MTPN: variants seen among roughly 807,000 people sequenced by gnomAD.
MTPN encodes the protein granule cell differentiation protein.
MTPN carries 2 observed loss-of-function variants against 13.5 expected under a neutral mutation model. That is an observed-to-expected ratio of 0.15 (90% CI 0.06 to 0.47). The LOEUF is 0.47. Ranked by LOEUF, MTPN falls within the 20% of genes least tolerant of loss-of-function variation. The pLI, the probability that MTPN is intolerant of heterozygous loss-of-function variation, is 0.97. For synonymous variants in MTPN, 46 were observed against 51.7 expected (o/e 0.89, Z 0.48); for missense variants, 79 against 137.9 (o/e 0.57, Z 2.14).
chr7:135,949,458 T>A (rs1445256397), intron 3 of MTPN, among the ~76,000 whole-genome samples: 1 of 151,814 alleles, frequency 6.6e-6, no homozygotes, highest in East Asian at 1.9e-4. Flanking sequence ...TTTGGACAAA[T>A]GCATCATTCT....
intron 1 of MTPN, among the ~76,000 whole-genome samples, chr7:135,957,714 G>A (rs979231994): frequency 6.6e-6 from 1 of 152,098 alleles, no homozygotes; most frequent in Non-Finnish European, 1.5e-5. Context: ...TCATGGGAGC[G>A]GGATCTCTGA....
chr7:135,964,188 CTT>C (rs1799571232), intron 1 of MTPN, among the ~76,000 whole-genome samples: 1 of 151,954 alleles, frequency 6.6e-6, no homozygotes, highest in Non-Finnish European at 1.5e-5. Context: ...CCAAATATAA[CTT>C]TATCTTAACA....
At chr7:135,965,505 C>T (rs962891405) in intron 1 of MTPN, among the ~76,000 whole-genome samples, 2 of 152,054 alleles carry the variant, frequency 1.3e-5, no homozygotes, top group African/African-American at 4.8e-5. Flanking sequence ...AGTAATGTGG[C>T]ATTAAGTATA....
intron 3 of MTPN, among the ~76,000 whole-genome samples, chr7:135,934,835 TCCTTTA>T: frequency 6.6e-6 from 1 of 152,138 alleles, no homozygotes; most frequent in East Asian, 1.9e-4. Flanking sequence ...TCCCCTGCCT[TCCTTTA>T]CTTTCTCTGG....
At chr7:135,954,630 T>TTC (rs1025048474) in intron 1 of MTPN, among the ~76,000 whole-genome samples, 1 of 152,204 alleles carries the variant, frequency 6.6e-6, no homozygotes, top group African/African-American at 2.4e-5. Context: ...TCAAAGATAC[T>TTC]TCTGTGAACC....
chr7:135,957,000 G>T (rs1057209670), intron 1 of MTPN, among the ~76,000 whole-genome samples: 20 of 152,070 alleles, frequency 1.3e-4, no homozygotes, highest in African/African-American at 4.8e-4. Flanking sequence ...GAGGTCAAGG[G>T]TCTCCATGTT....
chr7:135,944,428 C>A (rs1799258620), intron 3 of MTPN, among the ~76,000 whole-genome samples: 3 of 152,076 alleles, frequency 2.0e-5, no homozygotes, highest in Non-Finnish European at 4.4e-5. Context: ...GTAATCCCAG[C>A]ACTTTGGGAG....
At chr7:135,969,238 T>TAAAAAAAAAAAAAAA (rs57871609) in intron 1 of MTPN, among the ~76,000 whole-genome samples, 5 of 109,096 alleles carry the variant, frequency 4.6e-5, no homozygotes, top group African/African-American at 6.8e-5. Flanking sequence ...TAAAGTATAA[T>TAAAAAAAAAAAAAAA]AAAAAAAAAA....
Position 135,977,326 on chromosome 7 carries a change from G to T in MTPN, c.-226C>A. ...CCACCGGGCCCAGCAGAGAGGTTCC[G>T]CCTGGCCGAGGAGAGGCAGGAACCT... On this transcript the variant is annotated 5_prime_UTR_variant, in exon 1 of 4. Transcript: ENST00000393085. 2 of 578,088 alleles carry T rather than the reference G, an allele frequency of 3.5e-6. No homozygotes were observed. The highest frequency in any genetic ancestry group is 3.9e-5 in the South Asian group (2 of 50,778). The allele number at this position is 578,088 out of a possible 1,614,324, so 35.8% of individuals were successfully genotyped here. A position where few individuals can be genotyped will look rare whatever the true frequency, so the allele number is the denominator to read the frequency against.
chr7:135,939,695 TGTA>T (rs1265973082), intron 3 of MTPN, among the ~76,000 whole-genome samples: 1 of 151,498 alleles, frequency 6.6e-6, no homozygotes, highest in Non-Finnish European at 1.5e-5. Flanking sequence ...TTTAGATCAT[TGTA>T]GTAAGGGTTT....
rs372983296 is a variant in MTPN, at chr7:135,948,567, A to G, written c.270+2032T>C. On this transcript the variant is annotated intron_variant, in intron 3 of 3. Coordinates refer to ENST00000393085, the MANE Select transcript of MTPN (RefSeq NM_145808.4). ...GATGACATCTTAGGGCCTAATGTAC[A>G]TGCAAATCAAGCCAACTTTTCAGGA... Among the ~76,000 whole-genome samples the G allele has an allele frequency of 8.5e-5, 13 of 152,330 alleles. No homozygotes were observed. In the South Asian group the frequency reaches 2.3e-3, roughly 27 times the overall value.
intron 3 of MTPN, among the ~76,000 whole-genome samples, chr7:135,931,979 T>C (rs1799028428): frequency 6.6e-6 from 1 of 152,152 alleles, no homozygotes; most frequent in African/African-American, 2.4e-5. Context: ...TTACTTATTT[T>C]AAATTACACA....
In MTPN at chr7:135,956,479, C is replaced by T. The variant is rs1331477956; in HGVS notation, c.73-4849G>A. ...CTTTTCCTCTGGCTCTTCCACTTTC[C>T]ACAGATACTATTTTAAACCTCTTCT... is the stretch of plus-strand genomic sequence containing the variant. On this transcript the variant is annotated intron_variant, in intron 1 of 3. Coordinates refer to ENST00000393085, the MANE Select transcript of MTPN (RefSeq NM_145808.4). 3.3e-5 allele frequency among the ~76,000 whole-genome samples: 5 copies of T among 152,248 alleles called. No individual in the cohort carries two copies. In the South Asian group the frequency reaches 6.2e-4, roughly 19 times the overall value.
chr7:135,966,175 A>G (rs1799601012), intron 1 of MTPN, among the ~76,000 whole-genome samples: 1 of 152,154 alleles, frequency 6.6e-6, no homozygotes, highest in Non-Finnish European at 1.5e-5. Flanking sequence ...GAAAATAAGG[A>G]TGCTTAAAAG....
rs199967177 is a variant in MTPN, at chr7:135,972,235, A to G, written c.72+4794T>C. Among the ~76,000 whole-genome samples the G allele has an allele frequency of 7.0e-3, 895 of 128,530 alleles. 4 individuals are homozygous for G. The highest frequency in any genetic ancestry group is 0.018 in the African/African-American group (640 of 35,612). The allele number at this position is 128,530 out of a possible 152,430, so 84.3% of individuals were successfully genotyped here. ...CGCGCACACGCGCACGCGCGCGCAC[A>G]CACACACACACACACACACACACAC... On this transcript the variant is annotated intron_variant, in intron 1 of 3. Coordinates refer to ENST00000393085, the MANE Select transcript of MTPN (RefSeq NM_145808.4).
intron 1 of MTPN, among the ~76,000 whole-genome samples, chr7:135,965,136 C>A (rs1483425178): frequency 1.3e-5 from 2 of 152,100 alleles, no homozygotes; most frequent in Non-Finnish European, 2.9e-5. Flanking sequence ...ATTGGCCTCT[C>A]TAAATCTCCT....
At chr7:135,951,724 T>A in intron 1 of MTPN, 94 bp from the exon 2 acceptor site, 2 of 733,414 alleles carry the variant, frequency 2.7e-6, no homozygotes, top group African/African-American at 1.8e-5. Flanking sequence ...CTTAAAGCCG[T>A]GAGAGTTTCA....
intron 1 of MTPN, among the ~76,000 whole-genome samples, chr7:135,971,294 T>G (rs927277955): frequency 4.6e-5 from 7 of 152,176 alleles, no homozygotes; most frequent in African/African-American, 1.7e-4. Flanking sequence ...GTATCAGACC[T>G]GCTGAAGATT....
intron 1 of MTPN, among the ~76,000 whole-genome samples, chr7:135,970,726 T>C (rs1355204628): frequency 6.6e-6 from 1 of 152,126 alleles, no homozygotes; most frequent in East Asian, 1.9e-4. Context: ...AACATTTATG[T>C]TCCAATGTAA....
Sources: gnomAD v4.1 joint callset for allele counts (sites outside exome capture counted in the v4.1 genomes callset) on GRCh38, gnomAD v4.1.1 for gene constraint, MANE v1.5 for transcripts, NCBI Gene and HGNC (gene_info 2026-07-23, HGNC 2026-07-21) for gene names.